Variants in ACSBG2 observed in about 807,000 individuals in gnomAD.
ACSBG2 encodes the protein acyl-CoA synthetase bubblegum family member 2, also known as long-chain-fatty-acid--CoA ligase ACSBG2.
In ACSBG2, 62 loss-of-function variants were observed where a neutral mutation model predicts 74.7. The ratio of observed to expected loss-of-function variants is 0.83; its 90% confidence interval spans 0.68 to 1.03. ACSBG2 has a LOEUF of 1.03. Among genes scored for constraint, ACSBG2 ranks in the 50% least tolerant of loss-of-function variants. The probability of loss-of-function intolerance (pLI) is 0.00; values close to 1 mark genes in which losing one functional copy is unlikely to be tolerated. For synonymous variants in ACSBG2, 309 were observed against 294.1 expected, an observed-to-expected ratio of 1.05 and a Z score of -0.52; for missense variants, 730 against 817.6, an observed-to-expected ratio of 0.89 and a Z score of 1.31.
At chr19:6,160,669 GCA>G in intron 5 of ACSBG2, 1 of 152,536 alleles carries the variant, frequency 6.6e-6, no homozygotes, top group Non-Finnish European at 1.5e-5. Flanking sequence ...GTTGTCTCGG[GCA>G]GACTATTGTC....
At chr19:6,177,509 G>C in intron 8 of ACSBG2, 113 bp downstream of exon 8, 1 of 1,104,168 alleles carries the variant, frequency 9.1e-7, no homozygotes, top group Non-Finnish European at 1.3e-6. Flanking sequence ...ATGTCTAACG[G>C]TTTTATCTCT....
chr19:6,183,736 TCTCC>T (rs1486738001), intron 10 of ACSBG2, among the ~76,000 whole-genome samples: 2 of 152,196 alleles, frequency 1.3e-5, no homozygotes, highest in Non-Finnish European at 2.9e-5. Context: ...TGGTTGTGTC[TCTCC>T]CTGACTCCCT....
intron 3 of ACSBG2, 106 bp downstream of exon 3, chr19:6,147,781 G>A: frequency 7.7e-7 from 1 of 1,295,496 alleles, no homozygotes; most frequent in Non-Finnish European, 1.1e-6. Context: ...AAGATACAAA[G>A]GTTAATTGGC....
chr19:6,138,673 G>A (rs201707761), intron 1 of ACSBG2, among the ~76,000 whole-genome samples: 1,223 of 97,782 alleles, frequency 0.013, 11 homozygotes, highest in East Asian at 0.016. Context: ...AAAAGGCAGG[G>A]ACGGAGGGAG....
intron 1 of ACSBG2, among the ~76,000 whole-genome samples, chr19:6,136,152 C>CTGGAGTACAGTG (rs369519317): frequency 6.8e-5 from 10 of 147,506 alleles, no homozygotes; most frequent in Non-Finnish European, 1.0e-4. Flanking sequence ...GTTGCCCAGG[C>CTGGAGTACAGTG]GCAATCTCGG....
rs1023962453 is a variant in ACSBG2, at chr19:6,183,156, C to T, written c.1206C>T (p.Asn402=). The change falls in exon 10 of 15, where the codon AAC becomes AAT. Residue 402 remains asparagine, a synonymous_variant. Transcript: ENST00000588485. ...TTATCAGTGGGACTGCGCCCCTCAA[C>T]CAAGAGACTGCCGAGTTCTTTCTAA... is the stretch of plus-strand genomic sequence containing the variant. The part of the protein sequence containing the change: ...HSFISGTAPL[N]QETAEFFLSL... 1.2e-6 allele frequency: 2 copies of T among 1,614,122 alleles called. No homozygotes were observed. The highest frequency in any genetic ancestry group is 1.3e-5 in the African/African-American group (1 of 74,942).
At chr19:6,145,199 C>G (rs187860355) in intron 2 of ACSBG2, among the ~76,000 whole-genome samples, 1 of 152,096 alleles carries the variant, frequency 6.6e-6, no homozygotes, top group Non-Finnish European at 1.5e-5. Context: ...GAGATCGAGA[C>G]CATCTTAGCC....
chr19:6,187,702 T>C lies in ACSBG2; in HGVS notation c.1784T>C (p.Ile595Thr), dbSNP rs375964053. ...LGSQASTVTE[I>T]VKQQDPLVYK... Reference sequence around the variant, plus strand: ...AGCCAGGCATCCACCGTGACTGAGATTGTGAAGCAGCAAGACCCCCTGGTC... The same window carrying C: ...AGCCAGGCATCCACCGTGACTGAGACTGTGAAGCAGCAAGACCCCCTGGTC... Residue 595 changes from isoleucine to threonine, a missense_variant, in exon 13 of 15, where the codon ATT becomes ACT. Physicochemically the swap from Ile to Thr is moderately conservative, Grantham distance 89. Transcript: ENST00000588485. The C allele has an allele frequency of 1.5e-5, 24 of 1,613,344 alleles. No homozygotes were observed. The highest frequency in any genetic ancestry group is 1.6e-4 in the Middle Eastern group (1 of 6,084).
chr19:6,172,457 T>G (rs1382893049), intron 7 of ACSBG2, among the ~76,000 whole-genome samples: 1 of 152,204 alleles, frequency 6.6e-6, no homozygotes, highest in Admixed American at 6.5e-5. Flanking sequence ...GCCAAAGGTC[T>G]GTATGGGTTC....
chr19:6,144,679 TTTG>T (rs2088964847), intron 2 of ACSBG2, among the ~76,000 whole-genome samples: 1 of 152,062 alleles, frequency 6.6e-6, no homozygotes, highest in Non-Finnish European at 1.5e-5. Context: ...GTCTGTTTTT[TTTG>T]TTGTTTTTTT....
intron 2 of ACSBG2, among the ~76,000 whole-genome samples, 175 bp from the exon 3 acceptor site, chr19:6,147,271 A>C (rs138075395): frequency 8.3e-4 from 126 of 152,320 alleles, no homozygotes; most frequent in African/African-American, 2.9e-3. Flanking sequence ...GGAATGAAAA[A>C]ATAAATAAAG....
chr19:6,179,293 ATTTTT>A (rs1169472742), intron 8 of ACSBG2, among the ~76,000 whole-genome samples: 7 of 118,608 alleles, frequency 5.9e-5, no homozygotes, highest in African/African-American at 2.2e-4. Context: ...TCTTTTCTAA[ATTTTT>A]TTTTTTTTTT....
intron 6 of ACSBG2, among the ~76,000 whole-genome samples, chr19:6,164,577 C>T (rs60930048): frequency 0.073 from 11,053 of 151,992 alleles, 732 homozygotes; most frequent in African/African-American, 0.18. Context: ...GGATTACAGG[C>T]GCCTGCCACC....
chr19:6,191,956 T>G (rs1283383597), intron 14 of ACSBG2: 1 of 151,500 alleles, frequency 6.6e-6, no homozygotes, highest in Non-Finnish European at 1.5e-5. Flanking sequence ...GAGTGAGAGA[T>G]GGACCCTCTT....
intron 10 of ACSBG2, among the ~76,000 whole-genome samples, chr19:6,184,994 C>T (rs2145256918): frequency 6.6e-6 from 1 of 152,028 alleles, no homozygotes; most frequent in Admixed American, 6.6e-5. Flanking sequence ...GTGATCACTA[C>T]TCACTGCAGC....
intron 2 of ACSBG2, among the ~76,000 whole-genome samples, chr19:6,145,693 C>A (rs554502319): frequency 6.6e-6 from 1 of 152,186 alleles, no homozygotes; most frequent in Non-Finnish European, 1.5e-5. Flanking sequence ...TCAGTGTCAA[C>A]CCTTACTCAT....
chr19:6,142,006 C>T (rs1388727163), intron 2 of ACSBG2, among the ~76,000 whole-genome samples: 2 of 152,180 alleles, frequency 1.3e-5, no homozygotes, highest in African/African-American at 4.8e-5. Flanking sequence ...GCTGGAATTA[C>T]AGGTGTGGGC....
chr19:6,142,492 C>T (rs927443490), intron 2 of ACSBG2, among the ~76,000 whole-genome samples: 4 of 151,886 alleles, frequency 2.6e-5, no homozygotes, highest in African/African-American at 9.7e-5. Flanking sequence ...GTGGCTCACA[C>T]CCGTAATCCC....
intron 5 of ACSBG2, among the ~76,000 whole-genome samples, chr19:6,157,007 G>A (rs942484620): frequency 2.0e-5 from 3 of 151,700 alleles, no homozygotes; most frequent in East Asian, 1.9e-4. Context: ...AGTGCAGTGG[G>A]CTGAACTCGG....
Sources: gnomAD v4.1 joint callset for allele counts (sites outside exome capture counted in the v4.1 genomes callset) on GRCh38, gnomAD v4.1.1 for gene constraint, MANE v1.5 for transcripts, NCBI Gene and HGNC (gene_info 2026-07-23, HGNC 2026-07-21) for gene names.